CNTN4: variants seen among roughly 807,000 people sequenced by gnomAD.
The protein encoded by CNTN4 is contactin-4.
Under a neutral mutation model 122.5 loss-of-function variants are expected in CNTN4, and 77 were observed. The observed-to-expected ratio is 0.63, with a 90% CI of 0.52 to 0.76. The LOEUF (loss-of-function observed/expected upper bound fraction) is 0.76. Ranked by LOEUF, CNTN4 falls within the 30% of genes least tolerant of loss-of-function variation. The pLI, the probability that CNTN4 is intolerant of heterozygous loss-of-function variation, is 0.00. For missense variants in CNTN4, 1,256 were observed against 1,259.1 expected (o/e 1.00, Z 0.04); for synonymous variants, 512 against 447.0 (o/e 1.15, Z -1.83).
In CNTN4 at chr3:2,596,385, T is replaced by C. The variant is rs1013132972; in HGVS notation, c.55+24827T>C. Among the ~76,000 whole-genome samples the C allele has an allele frequency of 3.9e-5, 6 of 152,290 alleles. No homozygotes were observed. In the South Asian group the frequency reaches 8.3e-4, roughly 21 times the overall value. On this transcript the variant is annotated intron_variant, in intron 4 of 24. Transcript: ENST00000418658. ...ATACTAGTAAAATGGACATCGGTTG[T>C]CCTCCAAATTCTTTGTGTTTTCATT...
rs148034331 is a variant in CNTN4 at position 2,479,766 on chromosome 3, C to T, written c.-88-91650C>T. Among the ~76,000 whole-genome samples the T allele has an allele frequency of 1.9e-3, 294 of 152,256 alleles. 2 individuals carry two copies. The highest frequency in any genetic ancestry group is 6.5e-3 in the African/African-American group (271 of 41,556). ...TCTGAGTCCATTCTTTGGATTTGGACGGGTGAGCGTGTTTCTCACACTACC... is the reference window on the plus strand; with the variant it reads ...TCTGAGTCCATTCTTTGGATTTGGATGGGTGAGCGTGTTTCTCACACTACC... On this transcript the variant is annotated intron_variant, in intron 3 of 24. Transcript: ENST00000418658.
intron 4 of CNTN4, among the ~76,000 whole-genome samples, chr3:2,671,722 A>T (rs79577103): frequency 0.018 from 2,666 of 152,194 alleles, 69 homozygotes; most frequent in African/African-American, 0.061. Flanking sequence ...TTGTGGGGAA[A>T]GGTCTACCTT....
Position 2,580,033 on chromosome 3 carries a change from TTGTATG to T in CNTN4, c.55+8479_55+8484del, listed in dbSNP as rs57775882. On this transcript the variant is annotated intron_variant, in intron 4 of 24. Transcript: ENST00000418658. The stretch of plus-strand genomic sequence containing the variant: ...GAACAAATACCTAAATTGGTTAAGC[TTGTATG>T]TGTGTGTGTGTGTGTGTGTGTATGT... 9.0e-3 allele frequency among the ~76,000 whole-genome samples: 566 copies of T among 62,642 alleles called. 2 individuals are homozygous for T. The highest frequency in any genetic ancestry group is 0.02 in the African/African-American group (499 of 25,456). 41.1% of individuals were successfully genotyped at this position (62,642 alleles called of 152,430 possible). A position where few individuals can be genotyped will look rare whatever the true frequency, so the allele number is the denominator to read the frequency against.
chr3:2,766,818 G>A (rs191689410), intron 6 of CNTN4, among the ~76,000 whole-genome samples: 6 of 152,214 alleles, frequency 3.9e-5, no homozygotes, highest in East Asian at 3.9e-4. Flanking sequence ...GGACACATTC[G>A]CCATATGTCT....
At chr3:2,932,117 C>G (rs2094525743) in intron 13 of CNTN4, among the ~76,000 whole-genome samples, 1 of 152,114 alleles carries the variant, frequency 6.6e-6, no homozygotes, top group African/African-American at 2.4e-5. Flanking sequence ...GTGGCTCACG[C>G]CTGTCATCCC....
chr3:2,683,627 G>A (rs2085280202), intron 4 of CNTN4, among the ~76,000 whole-genome samples: 1 of 139,348 alleles, frequency 7.2e-6, no homozygotes, highest in East Asian at 2.0e-4. Context: ...CAGTAGTATA[G>A]TATTAACTTG....
rs898978788 is a variant in CNTN4, at chr3:2,643,969, T to C, written c.55+72411T>C. On this transcript the variant is annotated intron_variant, in intron 4 of 24. Coordinates refer to ENST00000418658, the MANE Select transcript of CNTN4 (RefSeq NM_175607.3). ...CCTTGTATCTGATCACCCCACCGTG[T>C]CTTCCATTTTACTCAGATTAAGGCC... 2.6e-5 allele frequency among the ~76,000 whole-genome samples: 4 copies of C among 152,152 alleles called. No homozygotes were observed. The East Asian group carries it at 7.7e-4, about 29-fold the overall frequency.
chr3:2,616,138 C>T (rs1009655437), intron 4 of CNTN4, among the ~76,000 whole-genome samples: 25 of 151,676 alleles, frequency 1.6e-4, no homozygotes, highest in African/African-American at 5.6e-4. Context: ...TCTAGCTGCC[C>T]TCCCCTAACC....
At chr3:2,915,033 A>G (rs1030485723) in intron 12 of CNTN4, among the ~76,000 whole-genome samples, 2 of 152,126 alleles carry the variant, frequency 1.3e-5, no homozygotes, top group African/African-American at 4.8e-5. Context: ...GATCGTTCCA[A>G]TTGATGAAGA....
At chr3:2,885,095 G>T (rs903355143) in intron 9 of CNTN4, among the ~76,000 whole-genome samples, 4 of 152,144 alleles carry the variant, frequency 2.6e-5, no homozygotes, top group Non-Finnish European at 4.4e-5. Context: ...AGAGTTGATG[G>T]CTTTAATGTT....
intron 4 of CNTN4, among the ~76,000 whole-genome samples, chr3:2,657,770 G>GA (rs934211817): frequency 6.6e-6 from 1 of 151,818 alleles, no homozygotes; most frequent in African/African-American, 2.4e-5. Flanking sequence ...TCGTTCTAGA[G>GA]AAAAAATATA....
intron 2 of CNTN4, among the ~76,000 whole-genome samples, chr3:2,183,200 T>C (rs1006059359): frequency 0.24 from 10 of 42 alleles, no homozygotes; most frequent in Admixed American, 0.38. Context: ...ATTAATCTTA[T>C]ACATGATATG....
intron 4 of CNTN4, among the ~76,000 whole-genome samples, chr3:2,723,657 T>C (rs1001905774): frequency 3.9e-5 from 6 of 152,182 alleles, no homozygotes; most frequent in African/African-American, 1.2e-4. Flanking sequence ...CATGACCTTA[T>C]CACTCTCCTA....
intron 7 of CNTN4, among the ~76,000 whole-genome samples, chr3:2,853,478 T>TC (rs1182624491): frequency 6.6e-6 from 1 of 152,030 alleles, no homozygotes; most frequent in Non-Finnish European, 1.5e-5. Context: ...CTCCTGACCT[T>TC]GTGATCTGCC....
chr3:2,165,827 T>C (rs2036171057), intron 2 of CNTN4, among the ~76,000 whole-genome samples: 1 of 152,194 alleles, frequency 6.6e-6, no homozygotes, highest in South Asian at 2.1e-4. Context: ...TGCATAATAA[T>C]GTCCTCTAGG....
chr3:2,164,271 T>C (rs1471851494), intron 2 of CNTN4, among the ~76,000 whole-genome samples: 1 of 151,456 alleles, frequency 6.6e-6, no homozygotes, highest in Non-Finnish European at 1.5e-5. Flanking sequence ...TTAGTAGAGA[T>C]AGTAAATATC....
intron 14 of CNTN4, among the ~76,000 whole-genome samples, chr3:3,007,429 GA>G (rs1211973027): frequency 6.6e-6 from 1 of 152,158 alleles, no homozygotes; most frequent in Non-Finnish European, 1.5e-5. Context: ...TCTGTGCTTG[GA>G]AAGATGTATA....
In CNTN4 at chr3:2,450,583, T is replaced by A. The variant is rs184359151; in HGVS notation, c.-89+111350T>A. 3.0e-3 allele frequency among the ~76,000 whole-genome samples: 456 copies of A among 152,038 alleles called. 2 individuals carry two copies. Among genetic ancestry groups the A allele is most frequent in the Middle Eastern group, 0.017 (5 of 294 alleles). On this transcript the variant is annotated intron_variant, in intron 3 of 24. Coordinates refer to ENST00000418658, the MANE Select transcript of CNTN4 (RefSeq NM_175607.3). Reference sequence around the variant, plus strand: ...GTGGGATTCCTTGGAGGTGTAAAGGTTTTATCAGTGTCACTTTGTCTCCTG... The same window carrying A: ...GTGGGATTCCTTGGAGGTGTAAAGGATTTATCAGTGTCACTTTGTCTCCTG...
chr3:2,977,099 C>G (rs1356660115), intron 13 of CNTN4, among the ~76,000 whole-genome samples: 1 of 152,180 alleles, frequency 6.6e-6, no homozygotes, highest in East Asian at 1.9e-4. Flanking sequence ...TTCATTGTCA[C>G]CTCTCTACTC....
Sources: gnomAD v4.1 joint callset for allele counts (sites outside exome capture counted in the v4.1 genomes callset) on GRCh38, gnomAD v4.1.1 for gene constraint, MANE v1.5 for transcripts, NCBI Gene and HGNC (gene_info 2026-07-23, HGNC 2026-07-21) for gene names.